Variants in TENM2 observed in about 807,000 individuals in gnomAD.
The protein encoded by TENM2 is teneurin-2.
TENM2 carries 52 observed loss-of-function variants against 245.2 expected under a neutral mutation model. That is an observed-to-expected ratio of 0.21 (90% CI 0.17 to 0.27). TENM2 has a LOEUF of 0.27. Ranked by LOEUF, TENM2 falls within the 10% of genes least tolerant of loss-of-function variation. The pLI, the probability that TENM2 is intolerant of heterozygous loss-of-function variation, is 1.00. For missense variants in TENM2, 3,046 were observed against 3,666.8 expected (o/e 0.83, Z 4.37); for synonymous variants, 1,363 against 1,438.9 (o/e 0.95, Z 1.19).
At chr5:166,989,252 C>CTTTT in the TENM2 span, among the ~76,000 whole-genome samples, 17 of 56,960 alleles carry the variant, frequency 3.0e-4, 2 homozygotes, top group African/African-American at 5.1e-4. Context: ...CCAAGCTAAT[C>CTTTT]TTTTTTTTTT....
chr5:167,145,165 A>C, the TENM2 span, among the ~76,000 whole-genome samples: 2 of 152,198 alleles, frequency 1.3e-5, no homozygotes, highest in African/African-American at 4.8e-5. Context: ...ATTTATTCAC[A>C]GCTGCAAAAT....
chr5:167,827,057 G>A (rs1316697373), intron 2 of TENM2, among the ~76,000 whole-genome samples: 2 of 152,226 alleles, frequency 1.3e-5, no homozygotes, highest in African/African-American at 4.8e-5. Context: ...CCTCAAGACA[G>A]AAGCCAGATG....
In TENM2 at chr5:167,411,803, C is replaced by T. The variant is rs140258057; in HGVS notation, c.502+36330C>T. Among the ~76,000 whole-genome samples, 471 of 152,100 alleles carry T rather than the reference C, an allele frequency of 3.1e-3. 2 individuals carry two copies. The highest frequency in any genetic ancestry group is 9.2e-3 in the Admixed American group (141 of 15,250). ...TTGGCAAGAATCATCATCAATGTAT[C>T]GAATGCACCTGAAACAATCACGAGT... On this transcript the variant is annotated intron_variant, in intron 2 of 28. Transcript: ENST00000518659.
chr5:167,279,536 T>TC, the TENM2 span, among the ~76,000 whole-genome samples: 3,636 of 145,666 alleles, frequency 0.025, 157 homozygotes, highest in African/African-American at 0.088. Flanking sequence ...CTTCCTTCCT[T>TC]CCTTCCTTCC....
chr5:167,352,707 T>A (rs117239830), intron 1 of TENM2, among the ~76,000 whole-genome samples: 2,273 of 152,322 alleles, frequency 0.015, 135 homozygotes, highest in Admixed American at 0.12. Flanking sequence ...TTATAAAAAA[T>A]TTGGCAATCT....
chr5:168,113,846 G>A (rs577122167), intron 9 of TENM2, among the ~76,000 whole-genome samples: 1 of 152,096 alleles, frequency 6.6e-6, no homozygotes, highest in Non-Finnish European at 1.5e-5. Context: ...TTACATAGAA[G>A]CTTGAATGCA....
intron 2 of TENM2, among the ~76,000 whole-genome samples, chr5:167,799,723 TG>T (rs934535198): frequency 1.3e-5 from 2 of 151,930 alleles, no homozygotes; most frequent in Non-Finnish European, 2.9e-5. Flanking sequence ...TCCTTAAGAG[TG>T]GTAAGTTAGG....
chr5:167,696,271 C>T (rs1757762738), intron 2 of TENM2, among the ~76,000 whole-genome samples: 2 of 151,996 alleles, frequency 1.3e-5, no homozygotes, highest in African/African-American at 4.8e-5. Context: ...TTTTTCACTA[C>T]AACTTATGAT....
At chr5:167,981,143 T>C (rs986329811) in intron 4 of TENM2, among the ~76,000 whole-genome samples, 5 of 152,242 alleles carry the variant, frequency 3.3e-5, no homozygotes, top group Admixed American at 1.3e-4. Context: ...GAGCCATCCC[T>C]GCTCCAGAGC....
At chr5:168,241,095 A>G (rs1292776696) in intron 25 of TENM2, 1 of 145,608 alleles carries the variant, frequency 6.9e-6, no homozygotes. Context: ...TTAAAAAAAT[A>G]AAAAATCCTA....
intron 25 of TENM2, among the ~76,000 whole-genome samples, chr5:168,236,971 TATATATATATATATATA>T: frequency 1.2e-4 from 1 of 8,014 alleles, no homozygotes; most frequent in Middle Eastern, 0.025. Context: ...TATATATATA[TATATATATATATATATA>T]TATATATATA....
At chr5:167,796,851 C>T (rs1765357858) in intron 2 of TENM2, among the ~76,000 whole-genome samples, 1 of 152,080 alleles carries the variant, frequency 6.6e-6, no homozygotes, top group Non-Finnish European at 1.5e-5. Context: ...CTGGAATTCT[C>T]TCTAGCTGGC....
At chr5:167,697,312 C>A (rs1271894557) in intron 2 of TENM2, among the ~76,000 whole-genome samples, 1 of 152,160 alleles carries the variant, frequency 6.6e-6, no homozygotes. Context: ...AGAAATAGTT[C>A]CTCCGATTTG....
At chr5:167,834,442 T>C (rs1272322002) in intron 2 of TENM2, among the ~76,000 whole-genome samples, 2 of 152,226 alleles carry the variant, frequency 1.3e-5, no homozygotes, top group Non-Finnish European at 2.9e-5. Context: ...TCTTCACTGC[T>C]GTAAGTACCT....
At chr5:167,746,245 C>A (rs1761550669) in intron 2 of TENM2, among the ~76,000 whole-genome samples, 1 of 152,174 alleles carries the variant, frequency 6.6e-6, no homozygotes, top group African/African-American at 2.4e-5. Flanking sequence ...CCCAATGGCT[C>A]ACCCTACAGC....
intron 2 of TENM2, among the ~76,000 whole-genome samples, chr5:167,453,181 A>G (rs1276662035): frequency 1.3e-5 from 2 of 151,714 alleles, no homozygotes; most frequent in East Asian, 1.9e-4. Context: ...AGTTCCTTAC[A>G]TAACTGAGTA....
In TENM2 at chr5:168,030,127, A is replaced by G. The variant is rs1352685720; in HGVS notation, c.1187-17300A>G. Among the ~76,000 whole-genome samples the G allele has an allele frequency of 8.5e-5, 11 of 129,550 alleles. No homozygotes were observed. The East Asian group carries it at 2.6e-3, about 31-fold the overall frequency. 85.0% of individuals were successfully genotyped at this position (129,550 alleles called of 152,430 possible). A position where few individuals can be genotyped will look rare whatever the true frequency, so the allele number is the denominator to read the frequency against. On this transcript the variant is annotated intron_variant, in intron 5 of 28. Coordinates refer to ENST00000518659, the Ensembl canonical transcript of TENM2. ...TGAGAAAGAATGTCCCTGTTTTACC[A>G]TGTTACTTTGGCCCAAGTCTGGTTC...
chr5:168,204,578 C>A (rs367708549), exon 19 of TENM2: 1 of 1,613,986 alleles, frequency 6.2e-7, no homozygotes, highest in Non-Finnish European at 8.5e-7. Context: ...TTACATCCGA[C>A]GCATCTTTCC....
the TENM2 span, among the ~76,000 whole-genome samples, chr5:167,231,526 G>C: frequency 6.6e-6 from 1 of 152,196 alleles, no homozygotes; most frequent in East Asian, 1.9e-4. Flanking sequence ...GAATTTAAGA[G>C]AGATGATTTA....
Sources: gnomAD v4.1 joint callset for allele counts (sites outside exome capture counted in the v4.1 genomes callset) on GRCh38, gnomAD v4.1.1 for gene constraint, MANE v1.5 for transcripts, NCBI Gene and HGNC (gene_info 2026-07-23, HGNC 2026-07-21) for gene names.